Variants in SPATA18 observed in about 807,000 individuals in gnomAD.
SPATA18 encodes the protein spermatogenesis associated 18, also known as mitochondria-eating protein.
Under a neutral mutation model 68.1 loss-of-function variants are expected in SPATA18, and 54 were observed. The observed-to-expected ratio is 0.79, with a 90% confidence interval of 0.64 to 0.99. SPATA18 has a LOEUF of 0.99. Among genes scored for constraint, SPATA18 ranks in the 50% least tolerant of loss-of-function variants. The pLI, the probability that SPATA18 is intolerant of heterozygous loss-of-function variation, is 0.00. For synonymous variants in SPATA18, 242 were observed against 244.8 expected (o/e 0.99, Z 0.11); for missense variants, 724 against 681.1 (o/e 1.06, Z -0.70).
intron 8 of SPATA18, 43 bp from the exon 9 acceptor site, chr4:52,079,701 G>T: frequency 6.2e-7 from 1 of 1,601,290 alleles, no homozygotes; most frequent in Admixed American, 1.7e-5. Flanking sequence ...GAGTGTTTTT[G>T]TCACAGGCTG....
rs541854389 is a variant in SPATA18 at position 52,058,969 on chromosome 4, A to C, written c.88-1450A>C. ...TTAGCTGAGTTTATATATGTAAAGCACTAATAGAGCCTGGCATATAGGAGA... is the reference window on the plus strand; with the variant it reads ...TTAGCTGAGTTTATATATGTAAAGCCCTAATAGAGCCTGGCATATAGGAGA... On this transcript the variant is annotated intron_variant, in intron 1 of 12. Coordinates refer to ENST00000295213, the MANE Select transcript of SPATA18 (RefSeq NM_145263.4). 1.5e-3 allele frequency among the ~76,000 whole-genome samples: 226 copies of C among 152,348 alleles called. No homozygotes were observed. In the Middle Eastern group the frequency reaches 0.017, roughly 11 times the overall value.
rs992714112 is a variant in SPATA18, at chr4:52,083,324, G to A, written c.1479+814G>A. The A allele has an allele frequency of 3.0e-6, 3 of 985,220 alleles. No individual in the cohort carries two copies. In the African/African-American group the frequency reaches 5.2e-5, roughly 17 times the overall value. The allele number at this position is 985,220 out of a possible 1,614,324, so 61.0% of individuals were successfully genotyped here. A position where few individuals can be genotyped will look rare whatever the true frequency, so the allele number is the denominator to read the frequency against. On this transcript the variant is annotated intron_variant, in intron 10 of 12. Transcript: ENST00000295213. ...CCTTGAACTGAAGAATAGGGGAAGT[G>A]TTTTATGGCAGCTTTCACACATACA...
At chr4:52,076,443 T>C (rs930351792) in intron 6 of SPATA18, among the ~76,000 whole-genome samples, 10 of 152,208 alleles carry the variant, frequency 6.6e-5, no homozygotes, top group African/African-American at 1.9e-4. Flanking sequence ...AATATTGTGA[T>C]GCAAAGTTCC....
At position 52,082,501 on chromosome 4, in the gene SPATA18, A is replaced by G; in HGVS notation, c.1470A>G (p.Arg490=). 6.2e-7 allele frequency: 1 copy of G among 1,614,102 alleles called. No individual in the cohort carries two copies. The highest frequency in any genetic ancestry group is 8.5e-7 in the Non-Finnish European group (1 of 1,179,982). Residue 490 remains arginine (R), a synonymous_variant, in exon 10 of 13, where the codon AGA becomes AGG. Transcript: ENST00000295213. Reference sequence around the variant, plus strand: ...TGAAGGGAGAAGCTGTCACCAGGAGAGGGGCTTTTGTACGGTGGCCTTGCA... The same window carrying G: ...TGAAGGGAGAAGCTGTCACCAGGAGGGGGGCTTTTGTACGGTGGCCTTGCA... ...VIMKGEAVTR[R]GAFWNSVRSV... is the part of the protein sequence containing the mutation.
chr4:52,092,354 T>C (rs1445940920), intron 11 of SPATA18, among the ~76,000 whole-genome samples: 2 of 152,110 alleles, frequency 1.3e-5, no homozygotes, highest in African/African-American at 2.4e-5. Context: ...AGGTAGTCAC[T>C]GGAGGGAATC....
intron 6 of SPATA18, among the ~76,000 whole-genome samples, chr4:52,073,230 A>ATTTGG (rs1740021606): frequency 3.9e-5 from 6 of 152,306 alleles, no homozygotes; most frequent in African/African-American, 1.2e-4. Flanking sequence ...GGAAAACACC[A>ATTTGG]TAAGTAAGTC....
Position 52,061,083 on chromosome 4 carries a change from C to T in SPATA18, c.309+186C>T, listed in dbSNP as rs573075950. ...CAGGTAGAGATCAGACTAGAAAGAG[C>T]GCACATACCTTGCTTAAGGCATCCA... On this transcript the variant is annotated intron_variant, in intron 3 of 12. Coordinates refer to ENST00000295213, the MANE Select transcript of SPATA18 (RefSeq NM_145263.4). Among the ~76,000 whole-genome samples, 8 of 152,304 alleles carry T rather than the reference C, an allele frequency of 5.3e-5. No individual in the cohort carries two copies. The East Asian group carries it at 7.7e-4, about 15-fold the overall frequency.
chr4:52,058,866 C>G (rs1162190298), intron 1 of SPATA18, among the ~76,000 whole-genome samples: 1 of 152,218 alleles, frequency 6.6e-6, no homozygotes, highest in African/African-American at 2.4e-5. Context: ...TACTTAACCT[C>G]TCTGTGCCTC....
chr4:52,058,716 G>A (rs1395747508), intron 1 of SPATA18, among the ~76,000 whole-genome samples: 1 of 152,214 alleles, frequency 6.6e-6, no homozygotes, highest in South Asian at 2.1e-4. Context: ...GCATCATCCA[G>A]TCCTCCATGT....
chr4:52,060,598 T>C (rs1356141807), intron 2 of SPATA18, 74 bp downstream of exon 2: 1 of 1,452,032 alleles, frequency 6.9e-7, no homozygotes, highest in African/African-American at 1.4e-5. Flanking sequence ...TTTGTGTTCT[T>C]TGACTGTTGG....
intron 3 of SPATA18, among the ~76,000 whole-genome samples, chr4:52,061,422 T>C (rs1056036994): frequency 1.3e-5 from 2 of 151,768 alleles, no homozygotes; most frequent in Non-Finnish European, 2.9e-5. Flanking sequence ...CAAACCACCA[T>C]GGCACACGTA....
At chr4:52,070,262 A>T (rs978530187) in intron 5 of SPATA18, among the ~76,000 whole-genome samples, 1 of 152,066 alleles carries the variant, frequency 6.6e-6, no homozygotes, top group Non-Finnish European at 1.5e-5. Context: ...TTCACCTGAC[A>T]TTGTTTTCTC....
intron 11 of SPATA18, among the ~76,000 whole-genome samples, chr4:52,088,902 C>T (rs1010646246): frequency 5.3e-5 from 8 of 152,086 alleles, no homozygotes; most frequent in South Asian, 2.1e-4. Flanking sequence ...GCTGTGAATC[C>T]GTCTGGTCCT....
chr4:52,090,884 C>T (rs942746585), intron 11 of SPATA18, among the ~76,000 whole-genome samples: 1 of 152,084 alleles, frequency 6.6e-6, no homozygotes, highest in Non-Finnish European at 1.5e-5. Context: ...AGAGTGTTTT[C>T]CAGCTTGGTT....
intron 6 of SPATA18, among the ~76,000 whole-genome samples, chr4:52,075,182 C>T (rs1168273777): frequency 6.6e-6 from 1 of 152,020 alleles, no homozygotes; most frequent in African/African-American, 2.4e-5. Flanking sequence ...AGAACAGGGT[C>T]CTGGGGGTGG....
chr4:52,079,691 G>T, intron 8 of SPATA18, 53 bp from the exon 9 acceptor site: 1 of 1,585,792 alleles, frequency 6.3e-7, no homozygotes, highest in Non-Finnish European at 8.6e-7. Flanking sequence ...TAGGATGTCA[G>T]AGTGTTTTTG....
chr4:52,094,318 C>T (rs1372886840), intron 11 of SPATA18, among the ~76,000 whole-genome samples: 1 of 151,962 alleles, frequency 6.6e-6, no homozygotes, highest in Non-Finnish European at 1.5e-5. Flanking sequence ...GCTACTGAAC[C>T]CAGCTTTTAA....
chr4:52,072,510 C>A (rs1739949576), intron 6 of SPATA18, among the ~76,000 whole-genome samples: 1 of 152,048 alleles, frequency 6.6e-6, no homozygotes, highest in Admixed American at 6.5e-5. Context: ...TCAAGTGATT[C>A]TCCTGCCTCA....
chr4:52,069,389 T>G (rs1739601990), intron 4 of SPATA18, among the ~76,000 whole-genome samples: 1 of 152,156 alleles, frequency 6.6e-6, no homozygotes, highest in Admixed American at 6.5e-5. Context: ...TTTTAAATAT[T>G]GAAGAAGTCT....
Sources: allele counts gnomAD v4.1 joint callset (sites outside exome capture counted in the v4.1 genomes callset), GRCh38; gene constraint gnomAD v4.1.1; transcripts MANE v1.5; gene names NCBI Gene and HGNC (gene_info 2026-07-23, HGNC 2026-07-21).